Variants in MCM5 observed in about 807,000 individuals in gnomAD.
The protein encoded by MCM5 is DNA replication licensing factor MCM5.
Under a neutral mutation model 79.9 loss-of-function variants are expected in MCM5, and 46 were observed. The observed-to-expected ratio is 0.58, with a 90% confidence interval of 0.45 to 0.74. The LOEUF is 0.74. Among genes scored for constraint, MCM5 ranks in the 30% least tolerant of loss-of-function variants. MCM5 has a pLI of 0.00. For synonymous variants in MCM5, 404 were observed against 390.5 expected, an observed-to-expected ratio of 1.03 and a Z score of -0.41; for missense variants, 883 against 1,017.0, an observed-to-expected ratio of 0.87 and a Z score of 1.79.
the MCM5 span, among the ~76,000 whole-genome samples, chr22:35,448,962 A>C: frequency 2.0e-5 from 3 of 152,194 alleles, no homozygotes; most frequent in African/African-American, 7.2e-5. Flanking sequence ...ACTTCTGCCC[A>C]CATTCCATTG....
intron 16 of MCM5, chr22:35,423,868 A>C: frequency 1.1e-5 from 4 of 366,946 alleles, no homozygotes; most frequent in East Asian, 4.7e-5. Flanking sequence ...TATCGTGTCT[A>C]TTCTATAGGT....
chr22:35,429,774 G>T (rs767553560), downstream of MCM5, among the ~76,000 whole-genome samples: 1 of 152,032 alleles, frequency 6.6e-6, no homozygotes, highest in Non-Finnish European at 1.5e-5. Context: ...GGCCTCAGGT[G>T]ATCCGCCCAC....
intron 4 of MCM5, among the ~76,000 whole-genome samples, chr22:35,406,227 G>C (rs1238170946): frequency 6.6e-6 from 1 of 151,248 alleles, no homozygotes; most frequent in Non-Finnish European, 1.5e-5. Context: ...ATCAGAGCTG[G>C]GGTCAGGTCT....
the MCM5 span, among the ~76,000 whole-genome samples, chr22:35,441,055 C>CA: frequency 0.14 from 13,350 of 96,008 alleles, 915 homozygotes; most frequent in Non-Finnish European, 0.19. Flanking sequence ...GAAACTCTGT[C>CA]AAAAAAAAAA....
chr22:35,420,116 A>C (rs1267845377), intron 14 of MCM5, 104 bp downstream of exon 14: 3 of 1,374,814 alleles, frequency 2.2e-6, no homozygotes, highest in African/African-American at 2.9e-5. Flanking sequence ...CACTTGGCAC[A>C]GGCCCATAGT....
chr22:35,402,485 C>T (rs1399679698), intron 2 of MCM5, among the ~76,000 whole-genome samples: 1 of 151,862 alleles, frequency 6.6e-6, no homozygotes, highest in African/African-American at 2.4e-5. Flanking sequence ...CGCCACCACA[C>T]CCGGCTAGGT....
downstream of MCM5, among the ~76,000 whole-genome samples, chr22:35,426,888 G>A (rs552118323): frequency 1.3e-5 from 2 of 152,186 alleles, no homozygotes; most frequent in African/African-American, 4.8e-5. Context: ...TCACCACTAT[G>A]AGAGCCGCTC....
the MCM5 span, among the ~76,000 whole-genome samples, chr22:35,438,140 TG>T: frequency 6.6e-6 from 1 of 152,130 alleles, no homozygotes; most frequent in Non-Finnish European, 1.5e-5. Flanking sequence ...AAGGGGTATG[TG>T]TAAATAACCC....
intron 6 of MCM5, among the ~76,000 whole-genome samples, chr22:35,410,174 A>G (rs184454705): frequency 3.9e-4 from 60 of 152,192 alleles, no homozygotes; most frequent in Non-Finnish European, 6.0e-4. Flanking sequence ...CACAGCGACT[A>G]AGTGTCCCTC....
chr22:35,435,063 A>G, the MCM5 span, among the ~76,000 whole-genome samples: 3,975 of 152,308 alleles, frequency 0.026, 77 homozygotes, highest in Non-Finnish European at 0.043. Flanking sequence ...AGGCAGGAGA[A>G]TTGCTTGAAC....
intron 5 of MCM5, among the ~76,000 whole-genome samples, chr22:35,407,345 G>T (rs551515361): frequency 6.6e-6 from 1 of 152,050 alleles, no homozygotes; most frequent in Non-Finnish European, 1.5e-5. Context: ...GGAGAGGCAC[G>T]CTACCTCCTC....
At chr22:35,432,586 C>T in the MCM5 span, among the ~76,000 whole-genome samples, 1 of 152,242 alleles carries the variant, frequency 6.6e-6, no homozygotes, top group African/African-American at 2.4e-5. Context: ...GGCCCAGACT[C>T]TTAACACCAG....
Position 35,419,882 on chromosome 22 carries a change from A to G in MCM5, c.1704-2A>G. On this transcript the variant is annotated splice_acceptor_variant, in intron 13 of 16. Transcript: ENST00000216122. LOFTEE classifies it high-confidence loss of function. ...CACCAGCCTCTCCCCACTGTCCTGC[A>G]GGAAGTGTGGCCCCCGGCTGTCAGC... 3 of 1,610,346 alleles carry G rather than the reference A, an allele frequency of 1.9e-6. No individual in the cohort carries two copies. Among genetic ancestry groups the G allele is most frequent in the Non-Finnish European group, 2.5e-6 (3 of 1,177,966 alleles).
At chr22:35,440,642 C>T in the MCM5 span, among the ~76,000 whole-genome samples, 87 of 152,276 alleles carry the variant, frequency 5.7e-4, no homozygotes, top group African/African-American at 2.0e-3. Context: ...TCCATTTGAC[C>T]CTAATCCTGG....
chr22:35,434,877 C>T, the MCM5 span, among the ~76,000 whole-genome samples: 21 of 151,920 alleles, frequency 1.4e-4, no homozygotes, highest in Admixed American at 5.2e-4. Context: ...GGAGGCAGGG[C>T]GCGGTGGCTC....
the MCM5 span, among the ~76,000 whole-genome samples, chr22:35,453,345 T>G: frequency 6.8e-6 from 1 of 147,662 alleles, no homozygotes; most frequent in Non-Finnish European, 1.5e-5. Context: ...ACAACGGGGC[T>G]GAGCAAGCGC....
chr22:35,430,116 T>G (rs1932802896), downstream of MCM5, among the ~76,000 whole-genome samples: 1 of 152,310 alleles, frequency 6.6e-6, no homozygotes. Context: ...CTGAACAGCG[T>G]TCACTGGTAT....
the MCM5 span, among the ~76,000 whole-genome samples, chr22:35,432,994 G>A: frequency 6.6e-6 from 1 of 152,168 alleles, no homozygotes; most frequent in Non-Finnish European, 1.5e-5. Context: ...GAGTGCAGTA[G>A]TGCAGTCATG....
intron 9 of MCM5, among the ~76,000 whole-genome samples, chr22:35,414,407 C>T (rs916219811): frequency 1.3e-5 from 2 of 152,080 alleles, no homozygotes; most frequent in African/African-American, 2.4e-5. Flanking sequence ...ATTGCTTGAG[C>T]TCAGGAGTTT....
Sources: gnomAD v4.1 joint callset for allele counts (sites outside exome capture counted in the v4.1 genomes callset) on GRCh38, gnomAD v4.1.1 for gene constraint, MANE v1.5 for transcripts, NCBI Gene and HGNC (gene_info 2026-07-23, HGNC 2026-07-21) for gene names.